MAST4: variants seen among roughly 807,000 people sequenced by gnomAD.
The protein encoded by MAST4 is microtubule associated serine/threonine kinase family member 4.
A neutral mutation model predicts 162.7 loss-of-function variants in MAST4; 89 were observed. The observed-to-expected ratio is 0.55, with a 90% CI of 0.46 to 0.65. The LOEUF is 0.65. Ranked by LOEUF, MAST4 falls within the 30% of genes least tolerant of loss-of-function variation. The pLI is 0.00. For missense variants in MAST4, 3,153 were observed against 3,374.0 expected (o/e 0.93, Z 1.62); for synonymous variants, 1,479 against 1,361.1 (o/e 1.09, Z -1.91).
intron 1 of MAST4, among the ~76,000 whole-genome samples, chr5:66,650,197 T>A (rs1746127513): frequency 6.6e-6 from 1 of 152,168 alleles, no homozygotes; most frequent in African/African-American, 2.4e-5. Context: ...CTGGTGGCTC[T>A]GCTTCAAGCT....
At chr5:67,082,931 A>G (rs1377364098) in intron 5 of MAST4, among the ~76,000 whole-genome samples, 1 of 152,194 alleles carries the variant, frequency 6.6e-6, no homozygotes, top group African/African-American at 2.4e-5. Context: ...GTCACCAAAA[A>G]GGGAGGTTGG....
At chr5:66,625,305 C>A (rs1744352940) in intron 1 of MAST4, among the ~76,000 whole-genome samples, 1 of 152,160 alleles carries the variant, frequency 6.6e-6, no homozygotes, top group East Asian at 1.9e-4. Flanking sequence ...GTCTTTAAGC[C>A]TGCAGAAGGA....
chr5:67,016,411 CT>C (rs1753289497), intron 4 of MAST4, among the ~76,000 whole-genome samples: 1 of 152,062 alleles, frequency 6.6e-6, no homozygotes, highest in Non-Finnish European at 1.5e-5. Context: ...ATTTTAGTAC[CT>C]TTTTAATTTT....
rs148059734 is a variant in MAST4 at position 67,008,733 on chromosome 5, AAAG to A, written c.675-45667_675-45665del. Among the ~76,000 whole-genome samples, 967 of 152,328 alleles carry A rather than the reference AAAG, an allele frequency of 6.3e-3. 11 individuals are homozygous for A. The highest frequency in any genetic ancestry group is 0.023 in the African/African-American group (938 of 41,584). ...CAAATGTCTTTTTCTGAGAACCAAAAAAGAAGTTTTTGGGGTTTTTATTTTGGT... is the reference window on the plus strand; with the variant it reads ...CAAATGTCTTTTTCTGAGAACCAAAAAAGTTTTTGGGGTTTTTATTTTGGT... On this transcript the variant is annotated intron_variant, in intron 4 of 28. Coordinates refer to ENST00000403625, the MANE Select transcript of MAST4 (RefSeq NM_001164664.2).
chr5:66,882,021 G>A (rs1216366938), intron 3 of MAST4, among the ~76,000 whole-genome samples: 1 of 152,234 alleles, frequency 6.6e-6, no homozygotes, highest in African/African-American at 2.4e-5. Context: ...CCAGTGCTCA[G>A]AGGCTGGTGA....
At chr5:66,985,767 A>G (rs181422452) in intron 4 of MAST4, among the ~76,000 whole-genome samples, 2 of 152,290 alleles carry the variant, frequency 1.3e-5, no homozygotes, top group African/African-American at 4.8e-5. Context: ...AATAACTTTC[A>G]TATGTGGGGC....
At chr5:66,608,501 T>C (rs1743056183) in intron 1 of MAST4, among the ~76,000 whole-genome samples, 1 of 151,732 alleles carries the variant, frequency 6.6e-6, no homozygotes, top group Non-Finnish European at 1.5e-5. Flanking sequence ...ATGGACGACT[T>C]ATATGTTCTG....
intron 3 of MAST4, among the ~76,000 whole-genome samples, chr5:66,820,045 C>T (rs1395113114): frequency 6.6e-6 from 1 of 150,382 alleles, no homozygotes; most frequent in Non-Finnish European, 1.5e-5. Flanking sequence ...GTCTCGAACT[C>T]CTGGGCTAAA....
intron 3 of MAST4, among the ~76,000 whole-genome samples, chr5:66,891,255 C>T (rs1476068365): frequency 6.6e-6 from 1 of 152,122 alleles, no homozygotes; most frequent in Non-Finnish European, 1.5e-5. Flanking sequence ...CACAACTATT[C>T]TAAATCAGCC....
intron 1 of MAST4, among the ~76,000 whole-genome samples, chr5:66,751,313 T>A (rs534230811): frequency 1.3e-3 from 204 of 152,308 alleles, no homozygotes; most frequent in African/African-American, 4.8e-3. Flanking sequence ...TTTGACGAGC[T>A]GAGAGAAGAA....
chr5:67,042,808 C>A (rs900640725), intron 4 of MAST4, among the ~76,000 whole-genome samples: 2 of 152,176 alleles, frequency 1.3e-5, no homozygotes, highest in African/African-American at 2.4e-5. Flanking sequence ...ACATGCTGAA[C>A]AGAAAGACAC....
intron 26 of MAST4, among the ~76,000 whole-genome samples, chr5:67,157,972 C>T (rs905447845): frequency 6.6e-6 from 1 of 152,178 alleles, no homozygotes; most frequent in Non-Finnish European, 1.5e-5. Context: ...GATTCCAGCT[C>T]TAGTGGCACA....
intron 4 of MAST4, among the ~76,000 whole-genome samples, chr5:66,904,754 T>C (rs1375886144): frequency 1.3e-5 from 2 of 152,186 alleles, no homozygotes; most frequent in Non-Finnish European, 2.9e-5. Context: ...AAAAAATTTT[T>C]CCAACTCTTT....
intron 4 of MAST4, among the ~76,000 whole-genome samples, chr5:67,021,903 G>A (rs1754029970): frequency 6.6e-6 from 1 of 152,070 alleles, no homozygotes; most frequent in Admixed American, 6.5e-5. Flanking sequence ...ACATTTCCTT[G>A]TGTCTTAAAA....
intron 1 of MAST4, among the ~76,000 whole-genome samples, chr5:66,723,212 A>G (rs1273908622): frequency 6.6e-6 from 1 of 152,204 alleles, no homozygotes; most frequent in Non-Finnish European, 1.5e-5. Context: ...CTGTTAAGGT[A>G]TAAGTTCTTG....
chr5:67,006,706 T>TC (rs1752082142), intron 4 of MAST4, among the ~76,000 whole-genome samples: 1 of 151,942 alleles, frequency 6.6e-6, no homozygotes, highest in South Asian at 2.1e-4. Flanking sequence ...TTGGAGAGAG[T>TC]CAGATGCAGG....
At chr5:66,761,060 G>A (rs549612008) in intron 2 of MAST4, among the ~76,000 whole-genome samples, 6 of 152,244 alleles carry the variant, frequency 3.9e-5, no homozygotes, top group African/African-American at 1.2e-4. Flanking sequence ...ATTGCTGTGC[G>A]TTCTTGCTAA....
chr5:67,058,278 G>A (rs1294105027), intron 5 of MAST4, among the ~76,000 whole-genome samples: 1 of 152,126 alleles, frequency 6.6e-6, no homozygotes, highest in Non-Finnish European at 1.5e-5. Context: ...AAAATTCAGT[G>A]ATAGCAAAGA....
chr5:66,812,100 C>A (rs1756507149), intron 3 of MAST4, among the ~76,000 whole-genome samples: 1 of 152,096 alleles, frequency 6.6e-6, no homozygotes, highest in Non-Finnish European at 1.5e-5. Flanking sequence ...CTGGCGCGGG[C>A]TAGTTGGATA....
Sources: allele counts gnomAD v4.1 joint callset (sites outside exome capture counted in the v4.1 genomes callset), GRCh38; gene constraint gnomAD v4.1.1; transcripts MANE v1.5; gene names NCBI Gene and HGNC (gene_info 2026-07-23, HGNC 2026-07-21).